ADAMTSL1: variants seen among roughly 807,000 people sequenced by gnomAD.
The protein encoded by ADAMTSL1 is ADAMTS like 1.
Under a neutral mutation model 201.8 loss-of-function variants are expected in ADAMTSL1, and 126 were observed. The observed-to-expected ratio is 0.62, with a 90% CI of 0.54 to 0.72. The LOEUF (loss-of-function observed/expected upper bound fraction) is 0.72. Among genes scored for constraint, ADAMTSL1 ranks in the 30% least tolerant of loss-of-function variants. ADAMTSL1 has a pLI of 0.00. For synonymous variants in ADAMTSL1, 1,121 were observed against 903.4 expected, an observed-to-expected ratio of 1.24 and a Z score of -4.32; for missense variants, 2,679 against 2,277.8, an observed-to-expected ratio of 1.18 and a Z score of -3.59.
chr9:18,739,373 T>C lies in ADAMTSL1; in HGVS notation c.2007-13925T>C, dbSNP rs1991882. 7.7e-3 allele frequency among the ~76,000 whole-genome samples: 1,166 copies of C among 152,282 alleles called. 22 individuals are homozygous for C. Among genetic ancestry groups the C allele is most frequent in the African/African-American group, 0.026 (1,087 of 41,538 alleles). On this transcript the variant is annotated intron_variant, in intron 15 of 28. Coordinates refer to ENST00000380548, the MANE Select transcript of ADAMTSL1 (RefSeq NM_001040272.6). ...TGTCTCCTACTTAGTAAATACAACT[T>C]AGGGATTTAGGCCAATTCATCAGTT...
chr9:18,345,749 G>C (rs936074596), intron 2 of ADAMTSL1, among the ~76,000 whole-genome samples: 1 of 152,164 alleles, frequency 6.6e-6, no homozygotes, highest in Non-Finnish European at 1.5e-5. Flanking sequence ...TCTCAGAGGT[G>C]AGAGGAGCTG....
Position 18,291,702 on chromosome 9 carries a change from C to T in ADAMTSL1, c.207+127721C>T, listed in dbSNP as rs557481385. Among the ~76,000 whole-genome samples, 22 of 136,820 alleles carry T rather than the reference C, an allele frequency of 1.6e-4. No homozygotes were observed. The South Asian group carries it at 5.0e-3, about 31-fold the overall frequency. The allele number at this position is 136,820 out of a possible 152,430, so 89.8% of individuals were successfully genotyped here. On this transcript the variant is annotated intron_variant, in intron 2 of 29. Coordinates refer to the ADAMTSL1 transcript ENST00000680146. ...TCTCTCTCGGGTGCGCACATGCTCTCTCTCTCTCTCTCTTTCTCTCTCTCT... is the reference window on the plus strand; with the variant it reads ...TCTCTCTCGGGTGCGCACATGCTCTTTCTCTCTCTCTCTTTCTCTCTCTCT...
At chr9:18,543,961 C>G (rs1396164492) in intron 3 of ADAMTSL1, among the ~76,000 whole-genome samples, 1 of 152,102 alleles carries the variant, frequency 6.6e-6, no homozygotes, top group African/African-American at 2.4e-5. Context: ...AATGTGTTCT[C>G]AATTTCTTAT....
chr9:18,575,498 A>C (rs1822654356), intron 4 of ADAMTSL1, among the ~76,000 whole-genome samples: 1 of 152,226 alleles, frequency 6.6e-6, no homozygotes, highest in African/African-American at 2.4e-5. Flanking sequence ...AATATATCTG[A>C]ATAAATCATT....
At chr9:18,176,565 A>G (rs1828169248) in intron 2 of ADAMTSL1, among the ~76,000 whole-genome samples, 2 of 152,210 alleles carry the variant, frequency 1.3e-5, no homozygotes, top group Admixed American at 6.5e-5. Context: ...TCGTAATGGA[A>G]GAAGAAATGA....
chr9:18,621,729 C>T (rs1377852221), intron 4 of ADAMTSL1, among the ~76,000 whole-genome samples: 1 of 152,150 alleles, frequency 6.6e-6, no homozygotes, highest in Non-Finnish European at 1.5e-5. Context: ...GCACTGTTCT[C>T]ACTGCTTGGA....
chr9:18,491,533 A>G (rs1822272227), intron 1 of ADAMTSL1, among the ~76,000 whole-genome samples: 1 of 152,246 alleles, frequency 6.6e-6, no homozygotes, highest in South Asian at 2.1e-4. Flanking sequence ...AGAGCCAGAG[A>G]TGGCTCACAA....
At chr9:18,574,890 A>C (rs182236818) in intron 4 of ADAMTSL1, among the ~76,000 whole-genome samples, 1 of 152,178 alleles carries the variant, frequency 6.6e-6, no homozygotes. Flanking sequence ...AGTAAGGTGA[A>C]AAAGGGTTTG....
chr9:18,106,949 C>T (rs1346033631), intron 1 of ADAMTSL1, among the ~76,000 whole-genome samples: 2 of 152,162 alleles, frequency 1.3e-5, no homozygotes, highest in East Asian at 1.9e-4. Flanking sequence ...TGGCAATTCC[C>T]ACATTGAAAC....
rs186597390 is a variant in ADAMTSL1, at chr9:18,817,102, T to A, written c.3806-7T>A. On this transcript the variant is annotated splice_polypyrimidine_tract_variant and splice_region_variant and intron_variant, in intron 20 of 28. Coordinates refer to ENST00000380548, the MANE Select transcript of ADAMTSL1 (RefSeq NM_001040272.6). ...AAGTAACATCTCATATTCTTTCTTATCTTCAGGAAAGCCACTAGTGAAAAC... is the reference window on the plus strand; with the variant it reads ...AAGTAACATCTCATATTCTTTCTTAACTTCAGGAAAGCCACTAGTGAAAAC... The A allele has an allele frequency of 1.2e-6, 2 of 1,609,116 alleles. No homozygotes were observed. Among genetic ancestry groups the A allele is most frequent in the Admixed American group, 3.4e-5 (2 of 59,552 alleles).
intron 1 of ADAMTSL1, among the ~76,000 whole-genome samples, chr9:18,480,760 G>A (rs1821684757): frequency 6.6e-6 from 1 of 152,174 alleles, no homozygotes; most frequent in African/African-American, 2.4e-5. Context: ...TTTGATCTTT[G>A]CGGTTTGCAA....
At chr9:18,089,715 T>C (rs1823923803) in intron 1 of ADAMTSL1, among the ~76,000 whole-genome samples, 1 of 152,104 alleles carries the variant, frequency 6.6e-6, no homozygotes, top group African/African-American at 2.4e-5. Flanking sequence ...GTCAAACTCA[T>C]AGAAGCAGAG....
At chr9:18,106,810 T>A (rs1188624349) in intron 1 of ADAMTSL1, among the ~76,000 whole-genome samples, 1 of 152,214 alleles carries the variant, frequency 6.6e-6, no homozygotes, top group East Asian at 1.9e-4. Context: ...TAGATGAGGT[T>A]CTAGCCAGCA....
intron 23 of ADAMTSL1, among the ~76,000 whole-genome samples, chr9:18,870,030 T>G (rs1455414285): frequency 6.6e-6 from 1 of 152,168 alleles, no homozygotes; most frequent in East Asian, 1.9e-4. Context: ...CTGTTAAGAT[T>G]GTCTAGTAAA....
At chr9:18,861,148 C>CAT (rs1009055362) in intron 23 of ADAMTSL1, among the ~76,000 whole-genome samples, 4 of 152,072 alleles carry the variant, frequency 2.6e-5, no homozygotes, top group African/African-American at 9.7e-5. Flanking sequence ...ATACAGAGAT[C>CAT]ATATACACAT....
intron 4 of ADAMTSL1, among the ~76,000 whole-genome samples, chr9:18,595,615 C>A (rs897967624): frequency 2.0e-5 from 3 of 152,210 alleles, no homozygotes; most frequent in Middle Eastern, 3.2e-3. Flanking sequence ...ATGGACAAGT[C>A]TCCCTCTAAG....
chr9:18,732,046 T>A (rs919858074), intron 15 of ADAMTSL1, among the ~76,000 whole-genome samples: 2 of 152,180 alleles, frequency 1.3e-5, no homozygotes, highest in African/African-American at 4.8e-5. Context: ...AAGATAATTA[T>A]CCCAACCACA....
At chr9:18,808,934 T>G (rs1156738506) in intron 20 of ADAMTSL1, among the ~76,000 whole-genome samples, 1 of 152,166 alleles carries the variant, frequency 6.6e-6, no homozygotes. Context: ...TTTCTGCCTC[T>G]CAGGGTTGTT....
Position 17,997,780 on chromosome 9 carries a change from G to A in ADAMTSL1, c.87+90858G>A, listed in dbSNP as rs79504993. Reference sequence around the variant, plus strand: ...TGGTAGCATTTCAAAAATGACAGTTGGTATTATTTTAAGAAAACAGATTTT... The same window carrying A: ...TGGTAGCATTTCAAAAATGACAGTTAGTATTATTTTAAGAAAACAGATTTT... On this transcript the variant is annotated intron_variant, in intron 1 of 29. Coordinates refer to the ADAMTSL1 transcript ENST00000680146. 6.4e-3 allele frequency among the ~76,000 whole-genome samples: 978 copies of A among 151,852 alleles called. 17 individuals carry two copies. Among genetic ancestry groups the A allele is most frequent in the African/African-American group, 0.023 (939 of 41,472 alleles).
Sources: gnomAD v4.1 joint callset for allele counts (sites outside exome capture counted in the v4.1 genomes callset) on GRCh38, gnomAD v4.1.1 for gene constraint, MANE v1.5 for transcripts, NCBI Gene and HGNC (gene_info 2026-07-23, HGNC 2026-07-21) for gene names.